DNAJC3: variants seen among roughly 807,000 people sequenced by gnomAD.
The protein encoded by DNAJC3 is dnaJ homolog subfamily C member 3.
A neutral mutation model predicts 68.6 loss-of-function variants in DNAJC3; 38 were observed. The observed-to-expected ratio is 0.55, with a 90% CI of 0.43 to 0.73. The LOEUF (loss-of-function observed/expected upper bound fraction) is 0.73. DNAJC3 is among the 30% of genes least tolerant of loss of function. The pLI is 0.00. For missense variants in DNAJC3, 526 were observed against 591.9 expected (o/e 0.89, Z 1.16); for synonymous variants, 203 against 204.0 (o/e 1.00, Z 0.04).
chr13:95,730,188 C>G lies in DNAJC3; in HGVS notation c.393+4936C>G, dbSNP rs1359550649. Among the ~76,000 whole-genome samples, 20 of 152,026 alleles carry G rather than the reference C, an allele frequency of 1.3e-4. 1 individual carries two copies. On this transcript the variant is annotated intron_variant, in intron 4 of 11. Transcript: ENST00000602402. The stretch of plus-strand genomic sequence containing the variant: ...AAAACATTTTTTGTAGAGATGGGAT[C>G]TTGCTATGTTGCCCAGGCTAGTCTT...
chr13:95,714,415 A>T (rs1740608782), intron 2 of DNAJC3, among the ~76,000 whole-genome samples: 1 of 149,160 alleles, frequency 6.7e-6, no homozygotes, highest in African/African-American at 2.5e-5. Context: ...TTTTTCTTAA[A>T]AAAAAAAAAA....
intron 1 of DNAJC3, among the ~76,000 whole-genome samples, chr13:95,690,921 A>AC (rs1275688202): frequency 2.7e-4 from 22 of 81,320 alleles, no homozygotes; most frequent in Middle Eastern, 0.012. Flanking sequence ...CGGGGGGCTG[A>AC]CCCCCCCCAC....
rs199607892 is a variant in DNAJC3, at chr13:95,763,835, C to T, written c.957C>T (p.Asp319=). 59 of 1,613,848 alleles carry T rather than the reference C, an allele frequency of 3.7e-5. No individual in the cohort carries two copies. Among genetic ancestry groups the T allele is most frequent in the Admixed American group, 1.5e-4 (9 of 59,998 alleles). Residue 319 remains aspartate, a splice_region_variant and synonymous_variant, in exon 9 of 12, where the codon GAC becomes GAT. Transcript: ENST00000602402. ...KERICHCFSK[D]EKPVEAIRVC... is the part of the protein sequence containing the mutation. Reference sequence around the variant, plus strand: ...CCTTGTCTCACATTTCCTTTTAGGACGAGAAGCCTGTTGAAGCTATTAGGG... The same window carrying T: ...CCTTGTCTCACATTTCCTTTTAGGATGAGAAGCCTGTTGAAGCTATTAGGG...
At chr13:95,738,186 G>C (rs960108606) in intron 4 of DNAJC3, among the ~76,000 whole-genome samples, 1 of 148,462 alleles carries the variant, frequency 6.7e-6, no homozygotes, top group Non-Finnish European at 1.5e-5. Context: ...TGGTCTGAGA[G>C]ATAGTTTGTT....
At chr13:95,698,308 T>C (rs999255945) in intron 1 of DNAJC3, among the ~76,000 whole-genome samples, 2 of 152,204 alleles carry the variant, frequency 1.3e-5, no homozygotes, top group Non-Finnish European at 2.9e-5. Context: ...TCTTTGTTTA[T>C]TGTGAGATTC....
chr13:95,700,970 C>CT (rs1332870644), intron 1 of DNAJC3, among the ~76,000 whole-genome samples: 5 of 151,996 alleles, frequency 3.3e-5, no homozygotes, highest in African/African-American at 9.7e-5. Flanking sequence ...AAATACTAGA[C>CT]ATTTTTTTTA....
At chr13:95,723,899 G>A (rs1173215626) in intron 3 of DNAJC3, among the ~76,000 whole-genome samples, 1 of 152,190 alleles carries the variant, frequency 6.6e-6, no homozygotes, top group African/African-American at 2.4e-5. Flanking sequence ...CACCATAAAG[G>A]TTGTGACAGA....
At chr13:95,746,202 A>G (rs1882301329) in intron 4 of DNAJC3, among the ~76,000 whole-genome samples, 1 of 152,190 alleles carries the variant, frequency 6.6e-6, no homozygotes, top group South Asian at 2.1e-4. Context: ...TCTCAACTGT[A>G]TGGACAGTTT....
At chr13:95,751,615 CA>C (rs749421086) in intron 4 of DNAJC3, among the ~76,000 whole-genome samples, 2 of 152,152 alleles carry the variant, frequency 1.3e-5, no homozygotes, top group African/African-American at 2.4e-5. Context: ...CTTGAGAAAA[CA>C]GAGTGGTTTG....
intron 4 of DNAJC3, among the ~76,000 whole-genome samples, chr13:95,754,810 C>T (rs1882601153): frequency 6.6e-6 from 1 of 152,156 alleles, no homozygotes; most frequent in Non-Finnish European, 1.5e-5. Context: ...CAACTGCCAA[C>T]CTGGTGTTTT....
At chr13:95,694,613 T>G (rs1307977685) in intron 1 of DNAJC3, 1 of 152,620 alleles carries the variant, frequency 6.6e-6, no homozygotes, top group Non-Finnish European at 1.5e-5. Flanking sequence ...AAATTATAAA[T>G]TATTCATTTA....
At chr13:95,716,594 CAGCGAGATGGATAGGG>C (rs1269254391) in intron 2 of DNAJC3, among the ~76,000 whole-genome samples, 2 of 152,142 alleles carry the variant, frequency 1.3e-5, no homozygotes, top group Non-Finnish European at 1.5e-5. Flanking sequence ...AGGTGGCTCT[CAGCGAGATGGATAGGG>C]AGCCGGAAGT....
intron 4 of DNAJC3, among the ~76,000 whole-genome samples, chr13:95,736,040 G>C (rs1387786213): frequency 6.6e-6 from 1 of 152,012 alleles, no homozygotes; most frequent in African/African-American, 2.4e-5. Context: ...TTCTACATAC[G>C]GCTAGCCAGT....
At chr13:95,719,158 C>T (rs1045871984) in intron 2 of DNAJC3, among the ~76,000 whole-genome samples, 4 of 152,294 alleles carry the variant, frequency 2.6e-5, no homozygotes, top group African/African-American at 7.2e-5. Context: ...AGGATACAGA[C>T]GAACAACCAA....
rs1004027922 is a variant in DNAJC3, at chr13:95,792,604, C to T, written c.*1574C>T. 2 of 152,212 alleles carry T rather than the reference C, an allele frequency of 1.3e-5. No individual in the cohort carries two copies. Among genetic ancestry groups the T allele is most frequent in the African/African-American group, 4.8e-5 (2 of 41,462 alleles). 9.4% of individuals were successfully genotyped at this position (152,212 alleles called of 1,614,324 possible). A position where few individuals can be genotyped will look rare whatever the true frequency, so the allele number is the denominator to read the frequency against. On this transcript the variant is annotated 3_prime_UTR_variant, in exon 12 of 12. Coordinates refer to ENST00000602402, the MANE Select transcript of DNAJC3 (RefSeq NM_006260.5). ...ATTTTTAACTGAGAGACAAAAATCA[C>T]ATAGTTGAATTGAGCAGAACACTTA...
chr13:95,741,621 C>A (rs572230134), intron 4 of DNAJC3, among the ~76,000 whole-genome samples: 2 of 152,134 alleles, frequency 1.3e-5, no homozygotes, highest in South Asian at 4.2e-4. Context: ...CCCTGGGCAG[C>A]AGTTGTGGCC....
intron 1 of DNAJC3, among the ~76,000 whole-genome samples, chr13:95,704,372 T>C (rs1426937247): frequency 6.6e-6 from 1 of 152,168 alleles, no homozygotes; most frequent in Non-Finnish European, 1.5e-5. Flanking sequence ...GTGATTGAAA[T>C]AATAAACTGC....
chr13:95,740,593 C>G (rs1358692454), intron 4 of DNAJC3, among the ~76,000 whole-genome samples: 1 of 152,218 alleles, frequency 6.6e-6, no homozygotes, highest in African/African-American at 2.4e-5. Context: ...GTCCGTCACC[C>G]CTTTCTTTGA....
chr13:95,709,259 A>C lies in DNAJC3; in HGVS notation c.115A>C (p.Lys39Gln). The change falls in exon 2 of 12, where the codon AAA becomes CAA. Residue 39 changes from lysine to glutamine, a missense_variant. Transcript: ENST00000602402. The part of the protein sequence containing the change: ...AECGVNADVE[K>Q]HLELGKKLLA... ...ATGTGGAGTAAATGCAGATGTTGAG[A>C]AACATCTTGAATTGGGCAAGAAATT... 6.3e-7 allele frequency: 1 copy of C among 1,583,464 alleles called. No individual in the cohort carries two copies. The highest frequency in any genetic ancestry group is 8.6e-7 in the Non-Finnish European group (1 of 1,165,226).
Sources: gnomAD v4.1 joint callset for allele counts (sites outside exome capture counted in the v4.1 genomes callset) on GRCh38, gnomAD v4.1.1 for gene constraint, MANE v1.5 for transcripts, NCBI Gene and HGNC (gene_info 2026-07-23, HGNC 2026-07-21) for gene names.